SPATS2: variants seen among roughly 807,000 people sequenced by gnomAD.
SPATS2 encodes spermatogenesis-associated serine-rich protein 2.
A neutral mutation model predicts 63.7 loss-of-function variants in SPATS2; 38 were observed. The ratio of observed to expected loss-of-function variants is 0.60; its 90% CI spans 0.46 to 0.78. SPATS2 has a LOEUF of 0.78. Among genes scored for constraint, SPATS2 ranks in the 30% least tolerant of loss-of-function variants. SPATS2 has a pLI of 0.00. For synonymous variants in SPATS2, 207 were observed against 232.9 expected (o/e 0.89, Z 1.01); for missense variants, 588 against 666.2 (o/e 0.88, Z 1.29).
intron 2 of SPATS2, chr12:49,390,104 C>T: frequency 5.4e-6 from 8 of 1,469,858 alleles, no homozygotes; most frequent in Admixed American, 1.7e-5. Context: ...GAAGATGTGT[C>T]GGAAAGTACT....
intron 2 of SPATS2, among the ~76,000 whole-genome samples, chr12:49,378,910 TTTTTATTTTA>T (rs1382356816): frequency 1.3e-5 from 2 of 151,338 alleles, no homozygotes; most frequent in African/African-American, 4.8e-5. Flanking sequence ...TATTTTATTA[TTTTTATTTTA>T]TTTTATTTTA....
At chr12:49,525,805 G>A (rs911420675) in intron 13 of SPATS2, 139 bp from the exon 14 acceptor site, 81 of 922,078 alleles carry the variant, frequency 8.8e-5, no homozygotes, top group Non-Finnish European at 1.2e-4. Flanking sequence ...TTGGCTGAGA[G>A]AATTCTTTGA....
chr12:49,491,081 T>C (rs1946374591), intron 6 of SPATS2: 1 of 174,596 alleles, frequency 5.7e-6, no homozygotes, highest in East Asian at 1.7e-4. Context: ...GAGGCAGAGG[T>C]TGCAGTGAGC....
At chr12:49,373,854 G>C (rs1382435128) in intron 2 of SPATS2, among the ~76,000 whole-genome samples, 1 of 152,154 alleles carries the variant, frequency 6.6e-6, no homozygotes, top group Non-Finnish European at 1.5e-5. Context: ...AGGAAGCAGA[G>C]GTTGCAGTGA....
At chr12:49,423,518 A>G (rs1435002672) in intron 2 of SPATS2, among the ~76,000 whole-genome samples, 1 of 152,210 alleles carries the variant, frequency 6.6e-6, no homozygotes, top group Non-Finnish European at 1.5e-5. Flanking sequence ...ACCTGCTCTC[A>G]TATTGAAGCC....
chr12:49,521,952 G>A (rs1462100825), intron 11 of SPATS2, among the ~76,000 whole-genome samples: 1 of 151,880 alleles, frequency 6.6e-6, no homozygotes, highest in East Asian at 1.9e-4. Flanking sequence ...CCAGTTAAGA[G>A]GAGTGCTCTG....
chr12:49,404,975 C>T (rs1346236700), intron 2 of SPATS2, among the ~76,000 whole-genome samples: 1 of 149,150 alleles, frequency 6.7e-6, no homozygotes, highest in Admixed American at 6.6e-5. Context: ...TGGAACACAA[C>T]CATGCTCATT....
intron 2 of SPATS2, among the ~76,000 whole-genome samples, chr12:49,443,533 A>C (rs1278558689): frequency 6.7e-6 from 1 of 149,608 alleles, no homozygotes; most frequent in Non-Finnish European, 1.5e-5. Flanking sequence ...TTTCTTTTAT[A>C]GATTGTATGG....
intron 2 of SPATS2, among the ~76,000 whole-genome samples, chr12:49,405,785 G>A (rs1291119539): frequency 2.6e-5 from 4 of 152,162 alleles, no homozygotes; most frequent in Non-Finnish European, 4.4e-5. Context: ...AGTACAGGGC[G>A]AGTCCAAATA....
chr12:49,369,218 G>A (rs1943957512), intron 1 of SPATS2, among the ~76,000 whole-genome samples: 1 of 151,822 alleles, frequency 6.6e-6, no homozygotes, highest in African/African-American at 2.4e-5. Flanking sequence ...AGTAGAGACG[G>A]GGGTTTCACC....
At chr12:49,455,794 G>T (rs992871387) in intron 2 of SPATS2, among the ~76,000 whole-genome samples, 6 of 152,096 alleles carry the variant, frequency 3.9e-5, no homozygotes, top group African/African-American at 1.4e-4. Context: ...GCTAATTTTT[G>T]TATTTTTTGT....
At chr12:49,409,592 A>T (rs112585426) in intron 2 of SPATS2, among the ~76,000 whole-genome samples, 2,507 of 73,470 alleles carry the variant, frequency 0.034, 40 homozygotes, top group African/African-American at 0.052. Context: ...GTGCCCAGCA[A>T]TTTTTTTTTT....
intron 2 of SPATS2, among the ~76,000 whole-genome samples, chr12:49,456,097 G>A (rs1483898979): frequency 6.6e-6 from 1 of 152,020 alleles, no homozygotes; most frequent in Admixed American, 6.6e-5. Context: ...TCTGTGCTTT[G>A]CTTCACAAGT....
chr12:49,516,109 C>A (rs1193674093), intron 10 of SPATS2, among the ~76,000 whole-genome samples: 1 of 125,112 alleles, frequency 8.0e-6, no homozygotes, highest in Admixed American at 9.6e-5. Flanking sequence ...CACTGCACTC[C>A]AGCCTGGCAA....
chr12:49,454,389 G>A (rs1369117251), intron 2 of SPATS2: 1 of 152,256 alleles, frequency 6.6e-6, no homozygotes, highest in South Asian at 2.1e-4. Context: ...CAAAGAGGTA[G>A]GGGAAATGCA....
chr12:49,395,233 A>G (rs894932293), intron 2 of SPATS2, among the ~76,000 whole-genome samples: 1 of 149,556 alleles, frequency 6.7e-6, no homozygotes, highest in Non-Finnish European at 1.5e-5. Flanking sequence ...TCCTGGCCTC[A>G]AGTGACCTCC....
chr12:49,424,133 G>A (rs961589214), intron 2 of SPATS2, among the ~76,000 whole-genome samples: 1 of 152,148 alleles, frequency 6.6e-6, no homozygotes, highest in South Asian at 2.1e-4. Flanking sequence ...AACCCGAGAG[G>A]TGGAGGTTGC....
rs144951316 is a variant in SPATS2, at chr12:49,419,123, CTT to C, written c.-243-41643_-243-41642del. Among the ~76,000 whole-genome samples, 68 of 152,272 alleles carry C rather than the reference CTT, an allele frequency of 4.5e-4. No homozygotes were observed. The East Asian group carries it at 0.012, about 27-fold the overall frequency. On this transcript the variant is annotated intron_variant, in intron 2 of 13. Coordinates refer to ENST00000552918, the MANE Select transcript of SPATS2 (RefSeq NM_023071.4). ...AGGGGTGGGGAGAAGAAAGAGTTAA[CTT>C]TTTATGCTTTTAAGTCTCCTAGTAT...
At position 49,456,952 on chromosome 12, in the gene SPATS2, G is replaced by C. The variant is rs146308074; in HGVS notation, c.-243-3818G>C. On this transcript the variant is annotated intron_variant, in intron 2 of 13. Coordinates refer to ENST00000552918, the MANE Select transcript of SPATS2 (RefSeq NM_023071.4). ...TTTCTTCTGAAAGGTTTGCTTCATTGCATTCATTCTATTTTCATCTGTGTC... is the reference window on the plus strand; with the variant it reads ...TTTCTTCTGAAAGGTTTGCTTCATTCCATTCATTCTATTTTCATCTGTGTC... 2.4e-3 allele frequency among the ~76,000 whole-genome samples: 363 copies of C among 151,972 alleles called. 1 individual carries two copies. Among genetic ancestry groups the C allele is most frequent in the South Asian group, 0.012 (59 of 4,804 alleles).
Sources: gnomAD v4.1 joint callset for allele counts (sites outside exome capture counted in the v4.1 genomes callset) on GRCh38, gnomAD v4.1.1 for gene constraint, MANE v1.5 for transcripts, NCBI Gene and HGNC (gene_info 2026-07-23, HGNC 2026-07-21) for gene names.